The following ST3GAL1 variants were observed in gnomAD, a reference collection of about 807,000 sequenced individuals.
The protein encoded by ST3GAL1 is ST3 beta-galactoside alpha-2,3-sialyltransferase 1.
ST3GAL1 carries 16 observed loss-of-function variants against 34.1 expected under a neutral mutation model. That is an observed-to-expected ratio of 0.47 (90% CI 0.32 to 0.71). The LOEUF (loss-of-function observed/expected upper bound fraction) is 0.71. Ranked by LOEUF, ST3GAL1 falls within the 30% of genes least tolerant of loss-of-function variation. The pLI is 0.04. For synonymous variants in ST3GAL1, 191 were observed against 184.7 expected (o/e 1.03, Z -0.28); for missense variants, 353 against 447.4 (o/e 0.79, Z 1.90).
chr8:133,555,917 A>G (rs1819001547), intron 1 of ST3GAL1, among the ~76,000 whole-genome samples: 1 of 152,124 alleles, frequency 6.6e-6, no homozygotes, highest in African/African-American at 2.4e-5. Context: ...GTTTTGAGAC[A>G]GAATTTCACT....
At chr8:133,480,308 C>T (rs2142307) in intron 3 of ST3GAL1, among the ~76,000 whole-genome samples, 46,796 of 152,066 alleles carry the variant, frequency 0.31, 7,384 homozygotes, top group Admixed American at 0.35. Context: ...TGAAGATAAA[C>T]TCCTCTGGCA....
Position 133,495,075 on chromosome 8 carries a change from C to T in ST3GAL1, c.-374+4060G>A, listed in dbSNP as rs150341335. On this transcript the variant is annotated intron_variant, in intron 3 of 9. Coordinates refer to ENST00000522652, the MANE Select transcript of ST3GAL1 (RefSeq NM_173344.3). ...CTGGGACTACAGGTGTGTGCCACCA[C>T]GCCCAGCTAATTTTTTGTGTTTTTA... 9.3e-3 allele frequency among the ~76,000 whole-genome samples: 1,409 copies of T among 152,046 alleles called. 10 individuals carry two copies. The highest frequency in any genetic ancestry group is 0.017 in the Middle Eastern group (5 of 294).
chr8:133,500,611 A>G (rs1311751066), intron 2 of ST3GAL1, among the ~76,000 whole-genome samples: 1 of 152,184 alleles, frequency 6.6e-6, no homozygotes, highest in Non-Finnish European at 1.5e-5. Context: ...CACTGGCTGT[A>G]CATCCTGCCA....
chr8:133,563,148 T>C (rs894431841), intron 1 of ST3GAL1, among the ~76,000 whole-genome samples: 2 of 152,154 alleles, frequency 1.3e-5, no homozygotes, highest in African/African-American at 4.8e-5. Context: ...TGTAGCAAAA[T>C]CTATTACAGT....
chr8:133,530,192 G>T (rs1193248256), intron 2 of ST3GAL1, among the ~76,000 whole-genome samples: 1 of 152,208 alleles, frequency 6.6e-6, no homozygotes, highest in Non-Finnish European at 1.5e-5. Flanking sequence ...ATGCCTTCCA[G>T]GTGAGCATCA....
At position 133,570,646 on chromosome 8, in the gene ST3GAL1, C is replaced by A. The variant is rs892385599; in HGVS notation, c.-582+1047G>T. 6.6e-6 allele frequency among the ~76,000 whole-genome samples: 1 copy of A among 152,230 alleles called. No homozygotes were observed. Among genetic ancestry groups the A allele is most frequent in the Non-Finnish European group, 1.5e-5 (1 of 68,044 alleles). ...GACGTCTCTGTGCCAAGCCGGGGCG[C>A]AAGCTCAACCCCCATCTCAAGTTCA... On this transcript the variant is annotated intron_variant, in intron 1 of 9. Coordinates refer to ENST00000522652, the MANE Select transcript of ST3GAL1 (RefSeq NM_173344.3). The surrounding 1 kb of genome is among the most constrained non-coding windows in gnomAD (Gnocchi z 5.6).
intron 1 of ST3GAL1, among the ~76,000 whole-genome samples, chr8:133,569,196 A>C (rs533921059): frequency 6.6e-6 from 1 of 152,222 alleles, no homozygotes; most frequent in Non-Finnish European, 1.5e-5. Context: ...GCCTTGTCCA[A>C]TCAGACTCTA....
intron 2 of ST3GAL1, among the ~76,000 whole-genome samples, chr8:133,540,910 TATATATAGACATATATATATAGAC>T (rs1818473679): frequency 2.1e-3 from 64 of 31,142 alleles, no homozygotes; most frequent in African/African-American, 5.6e-3. Context: ...TATATAGACA[TATATATAGACATATATATATAGAC>T]ATATATAGAC....
At chr8:133,527,226 A>C (rs1480838858) in intron 2 of ST3GAL1, among the ~76,000 whole-genome samples, 1 of 152,176 alleles carries the variant, frequency 6.6e-6, no homozygotes, top group Non-Finnish European at 1.5e-5. Context: ...ACAGGTGCCA[A>C]GCCAAAAGAG....
chr8:133,559,551 T>C (rs557012666), intron 1 of ST3GAL1, among the ~76,000 whole-genome samples: 12 of 152,308 alleles, frequency 7.9e-5, no homozygotes, highest in African/African-American at 2.9e-4. Context: ...GTAATACACC[T>C]CACAAAGACA....
intron 6 of ST3GAL1, chr8:133,465,523 T>A (rs755629055): frequency 3.2e-5 from 6 of 185,910 alleles, no homozygotes; most frequent in South Asian, 1.6e-4. Flanking sequence ...GGAAAATATA[T>A]TTTACATAAA....
chr8:133,483,013 ATCCT>A (rs1816455181), intron 3 of ST3GAL1, among the ~76,000 whole-genome samples: 1 of 152,182 alleles, frequency 6.6e-6, no homozygotes. Flanking sequence ...GCCCTCTCTG[ATCCT>A]CAATTCCTGA....
intron 2 of ST3GAL1, among the ~76,000 whole-genome samples, chr8:133,518,058 C>T (rs943204334): frequency 6.6e-6 from 1 of 152,164 alleles, no homozygotes; most frequent in South Asian, 2.1e-4. Context: ...TTTGTGTTAC[C>T]CACGTGGCCC....
Position 133,525,096 on chromosome 8 carries a change from T to C in ST3GAL1, c.-429+20678A>G, listed in dbSNP as rs1020201508. 4.6e-5 allele frequency among the ~76,000 whole-genome samples: 7 copies of C among 152,264 alleles called. No homozygotes were observed. In the South Asian group the frequency reaches 1.2e-3, roughly 27 times the overall value. ...GTTCTTGTACCATGTCCAGGAAGAA[T>C]GAGGTATGCAGACAACTGGAGGGTG... On this transcript the variant is annotated intron_variant, in intron 2 of 9. Coordinates refer to ENST00000522652, the MANE Select transcript of ST3GAL1 (RefSeq NM_173344.3).
intron 2 of ST3GAL1, among the ~76,000 whole-genome samples, chr8:133,527,275 G>A (rs1211719202): frequency 1.3e-5 from 2 of 152,118 alleles, no homozygotes; most frequent in African/African-American, 4.8e-5. Context: ...GTTGGAAATC[G>A]AATCACCCAG....
chr8:133,487,583 C>T (rs1225512524), intron 3 of ST3GAL1, among the ~76,000 whole-genome samples: 2 of 152,238 alleles, frequency 1.3e-5, no homozygotes, highest in Admixed American at 6.5e-5. Flanking sequence ...TGTGGATTCT[C>T]GCTCTTGCTT....
At chr8:133,544,718 T>G (rs1156443491) in intron 2 of ST3GAL1, among the ~76,000 whole-genome samples, 1 of 152,168 alleles carries the variant, frequency 6.6e-6, no homozygotes, top group Non-Finnish European at 1.5e-5. Context: ...ATAAACCCCA[T>G]GGCCCAAGTG....
At chr8:133,498,384 TC>T in intron 3 of ST3GAL1, among the ~76,000 whole-genome samples, 1 of 152,330 alleles carries the variant, frequency 6.6e-6, no homozygotes, top group Middle Eastern at 3.4e-3. Context: ...GGCCTCAGTG[TC>T]CTTATCTGGA....
intron 3 of ST3GAL1, among the ~76,000 whole-genome samples, chr8:133,483,459 G>A (rs1306223958): frequency 3.9e-5 from 6 of 152,178 alleles, no homozygotes; most frequent in Non-Finnish European, 8.8e-5. Flanking sequence ...GGTCAATTCT[G>A]TCTCTCCCCA....
Sources: allele counts gnomAD v4.1 joint callset (sites outside exome capture counted in the v4.1 genomes callset), GRCh38; gene constraint gnomAD v4.1.1; non-coding constraint Gnocchi (gnomAD v3.1); transcripts MANE v1.5; gene names NCBI Gene and HGNC (gene_info 2026-07-23, HGNC 2026-07-21).